Variants in HMG20A observed in about 807,000 individuals in gnomAD.
HMG20A encodes high mobility group protein 20A.
In HMG20A, 17 loss-of-function variants were observed where a neutral mutation model predicts 43.9. That is an observed-to-expected ratio of 0.39 (90% confidence interval 0.27 to 0.58). The LOEUF (loss-of-function observed/expected upper bound fraction) is 0.58, where lower values mean the gene tolerates loss of function less well. HMG20A is among the 20% of genes least tolerant of loss of function. The pLI is 0.59. For missense variants in HMG20A, 341 were observed against 438.2 expected, an observed-to-expected ratio of 0.78 and a Z score of 1.98; for synonymous variants, 132 against 147.5, an observed-to-expected ratio of 0.89 and a Z score of 0.76.
intron 1 of HMG20A, among the ~76,000 whole-genome samples, chr15:77,434,887 C>A (rs1330866669): frequency 6.6e-6 from 1 of 152,082 alleles, no homozygotes; most frequent in African/African-American, 2.4e-5. Context: ...TAGGTATACA[C>A]CCAACAGAAA....
intron 1 of HMG20A, among the ~76,000 whole-genome samples, chr15:77,436,817 G>A (rs113196697): frequency 0.015 from 2,296 of 152,190 alleles, 60 homozygotes; most frequent in African/African-American, 0.052. Flanking sequence ...CTTTTAGAAA[G>A]CATAAATGTC....
chr15:77,438,856 T>G (rs879862090), intron 1 of HMG20A, among the ~76,000 whole-genome samples: 1 of 152,178 alleles, frequency 6.6e-6, no homozygotes, highest in South Asian at 2.1e-4. Flanking sequence ...AGTGGCGTGA[T>G]CTCGGCTCAC....
chr15:77,422,198 G>GTA (rs2073368752), intron 1 of HMG20A, among the ~76,000 whole-genome samples: 1 of 152,140 alleles, frequency 6.6e-6, no homozygotes, highest in African/African-American at 2.4e-5. Flanking sequence ...AGTAATTTTA[G>GTA]TATATATATC....
the HMG20A span, among the ~76,000 whole-genome samples, chr15:77,517,774 C>T: frequency 6.6e-6 from 1 of 152,084 alleles, no homozygotes; most frequent in Non-Finnish European, 1.5e-5. Flanking sequence ...TCAGACGACC[C>T]TTCCCCTCCC....
the HMG20A span, among the ~76,000 whole-genome samples, chr15:77,493,595 G>T: frequency 6.6e-6 from 1 of 152,188 alleles, no homozygotes; most frequent in African/African-American, 2.4e-5. Flanking sequence ...ATTGAAATAG[G>T]GAGCTAAATT....
intron 1 of HMG20A, among the ~76,000 whole-genome samples, chr15:77,443,376 G>GATTATTATTATTATT (rs1491110236): frequency 3.7e-4 from 45 of 121,240 alleles, no homozygotes; most frequent in South Asian, 5.3e-4. Flanking sequence ...TGATGATGAT[G>GATTATTATTATTATT]ATGATTATTA....
the HMG20A span, among the ~76,000 whole-genome samples, chr15:77,516,248 C>T: frequency 2.0e-5 from 3 of 152,266 alleles, no homozygotes; most frequent in South Asian, 4.2e-4. Context: ...GCACAGTCAT[C>T]GCTGGCAACG....
At chr15:77,499,088 T>C in the HMG20A span, among the ~76,000 whole-genome samples, 1 of 152,128 alleles carries the variant, frequency 6.6e-6, no homozygotes, top group East Asian at 1.9e-4. Context: ...AATCTCCAAG[T>C]CTCCAGGAAA....
chr15:77,454,986 G>A (rs990699479), intron 1 of HMG20A, among the ~76,000 whole-genome samples: 26 of 152,020 alleles, frequency 1.7e-4, no homozygotes, highest in African/African-American at 6.3e-4. Flanking sequence ...ATTATGAGGT[G>A]TATGGTTGGA....
intron 4 of HMG20A, among the ~76,000 whole-genome samples, chr15:77,468,687 A>G (rs2072780022): frequency 6.6e-6 from 1 of 152,032 alleles, no homozygotes; most frequent in South Asian, 2.1e-4. Context: ...GATAAATTAT[A>G]TACATTGTAG....
Position 77,427,720 on chromosome 15 carries a change from A to G in HMG20A, c.-5+6716A>G, listed in dbSNP as rs558860488. On this transcript the variant is annotated intron_variant, in intron 1 of 9. Transcript: ENST00000336216. The stretch of plus-strand genomic sequence containing the variant: ...TCTAATTTTATTCAGCTCAAAAAAA[A>G]ATTTTATTCAGTGCTGCTGTCCTTA... Among the ~76,000 whole-genome samples the G allele has an allele frequency of 5.3e-5, 8 of 152,280 alleles. No individual in the cohort carries two copies. The East Asian group carries it at 1.4e-3, about 26-fold the overall frequency.
intron 4 of HMG20A, among the ~76,000 whole-genome samples, chr15:77,470,167 A>G (rs988146616): frequency 6.6e-6 from 1 of 152,204 alleles, no homozygotes; most frequent in African/African-American, 2.4e-5. Flanking sequence ...CAAAGTGTTT[A>G]ACATAATTTC....
chr15:77,469,137 A>T (rs2142344251), intron 4 of HMG20A, among the ~76,000 whole-genome samples: 2 of 151,888 alleles, frequency 1.3e-5, no homozygotes, highest in Admixed American at 1.3e-4. Context: ...GCAGGCACAC[A>T]ATGTCCTTTT....
At chr15:77,452,393 C>T (rs2072612109) in intron 1 of HMG20A, among the ~76,000 whole-genome samples, 1 of 152,090 alleles carries the variant, frequency 6.6e-6, no homozygotes, top group Admixed American at 6.5e-5. Context: ...GTACAGAATG[C>T]TCTGGTAGTA....
chr15:77,433,395 A>T (rs1408893862), intron 1 of HMG20A, among the ~76,000 whole-genome samples: 3 of 151,854 alleles, frequency 2.0e-5, no homozygotes, highest in Non-Finnish European at 4.4e-5. Context: ...ACCTGACTTC[A>T]CTGGTGAATT....
At chr15:77,467,551 A>G (rs1012223630) in intron 4 of HMG20A, among the ~76,000 whole-genome samples, 4 of 152,194 alleles carry the variant, frequency 2.6e-5, no homozygotes, top group Admixed American at 6.5e-5. Flanking sequence ...ACCACTTTTT[A>G]TACGCTGAGT....
chr15:77,492,875 G>A, the HMG20A span, among the ~76,000 whole-genome samples: 1 of 152,152 alleles, frequency 6.6e-6, no homozygotes, highest in African/African-American at 2.4e-5. Flanking sequence ...GAGTAAAGGA[G>A]CAGAGGAGAT....
intron 1 of HMG20A, among the ~76,000 whole-genome samples, chr15:77,425,736 T>A (rs1284508178): frequency 6.6e-6 from 1 of 152,182 alleles, no homozygotes; most frequent in East Asian, 1.9e-4. Flanking sequence ...CCAAATAGAT[T>A]TTTATATCAA....
downstream of HMG20A, among the ~76,000 whole-genome samples, chr15:77,490,477 T>G (rs565149804): frequency 7.0e-4 from 107 of 152,162 alleles, no homozygotes; most frequent in African/African-American, 2.5e-3. Context: ...GGGAGTATAA[T>G]GGACAGGAAT....
Sources: allele counts gnomAD v4.1 joint callset (sites outside exome capture counted in the v4.1 genomes callset), GRCh38; gene constraint gnomAD v4.1.1; transcripts MANE v1.5; gene names NCBI Gene and HGNC (gene_info 2026-07-23, HGNC 2026-07-21).